Variants in PHTF2 observed in about 807,000 individuals in gnomAD.
The protein encoded by PHTF2 is protein PHTF2.
PHTF2 carries 60 observed loss-of-function variants against 101.2 expected under a neutral mutation model. That is an observed-to-expected ratio of 0.59 (90% CI 0.48 to 0.73). PHTF2 has a LOEUF of 0.73. Ranked by LOEUF, PHTF2 falls within the 30% of genes least tolerant of loss-of-function variation. The pLI, the probability that PHTF2 is intolerant of heterozygous loss-of-function variation, is 0.00. For missense variants in PHTF2, 747 were observed against 908.7 expected, an observed-to-expected ratio of 0.82 and a Z score of 2.29; for synonymous variants, 311 against 307.3, an observed-to-expected ratio of 1.01 and a Z score of -0.13.
At chr7:77,840,034 G>A in intron 1 of PHTF2, 187 bp from the exon 2 acceptor site, 1 of 384,206 alleles carries the variant, frequency 2.6e-6, no homozygotes, top group Non-Finnish European at 4.7e-6. Flanking sequence ...TTCTATTATT[G>A]TGGCAACTGA....
At chr7:77,847,642 A>G (rs762482415) in intron 2 of PHTF2, among the ~76,000 whole-genome samples, 1 of 152,244 alleles carries the variant, frequency 6.6e-6, no homozygotes, top group African/African-American at 2.4e-5. Context: ...TGATACAAAC[A>G]TATAATCACA....
At position 77,820,533 on chromosome 7, in the gene PHTF2, T is replaced by C. The variant is rs892839420; in HGVS notation, c.-35-19688T>C. 3.3e-5 allele frequency among the ~76,000 whole-genome samples: 5 copies of C among 151,624 alleles called. No homozygotes were observed. In the South Asian group the frequency reaches 1.0e-3, roughly 32 times the overall value. On this transcript the variant is annotated intron_variant, in intron 1 of 19. Coordinates refer to ENST00000416283, the Ensembl canonical transcript of PHTF2. ...TTCCCAGCTAATGTGTGTGTGTGCG[T>C]GTGTGTGTGTTTGTGTATACGTATA...
At chr7:77,942,810 AAATT>A in intron 16 of PHTF2, 24 bp downstream of exon 15, 1 of 1,080,450 alleles carries the variant, frequency 9.3e-7, no homozygotes, top group East Asian at 2.5e-5. Flanking sequence ...CTCCATGTAG[AAATT>A]AACCAGATAT....
At chr7:77,890,239 T>C (rs1302324839) in intron 3 of PHTF2, among the ~76,000 whole-genome samples, 1 of 152,194 alleles carries the variant, frequency 6.6e-6, no homozygotes, top group Non-Finnish European at 1.5e-5. Flanking sequence ...TTTTACCTAC[T>C]GCTTCACTGT....
At chr7:77,887,773 G>A (rs1799999707) in intron 3 of PHTF2, among the ~76,000 whole-genome samples, 1 of 152,164 alleles carries the variant, frequency 6.6e-6, no homozygotes, top group Non-Finnish European at 1.5e-5. Flanking sequence ...GCTGACTGTA[G>A]GTCAGCTCTG....
intron 3 of PHTF2, among the ~76,000 whole-genome samples, chr7:77,859,880 C>T (rs540724908): frequency 6.6e-6 from 1 of 152,246 alleles, no homozygotes; most frequent in Admixed American, 6.5e-5. Context: ...TGGTACCTAG[C>T]TCCTCTTATA....
At chr7:77,870,888 TC>T (rs1304270824) in intron 3 of PHTF2, among the ~76,000 whole-genome samples, 2 of 152,098 alleles carry the variant, frequency 1.3e-5, no homozygotes, top group African/African-American at 2.4e-5. Context: ...TGATGTGAAG[TC>T]AATAAATCTT....
In PHTF2 at chr7:77,893,548, GTTA is replaced by G. The variant is rs1800624739; in HGVS notation, c.148-58_148-56del. 4.2e-6 allele frequency: 3 copies of G among 710,814 alleles called. No homozygotes were observed. The Admixed American group carries it at 7.3e-5, about 17-fold the overall frequency. The allele number at this position is 710,814 out of a possible 1,614,324, so 44.0% of individuals were successfully genotyped here. ...CTGAGTTGCTTGTATTTCAAGCAGAGTTATACCTATTTGATGGGTACCAGCAAT... is the reference window on the plus strand; with the variant it reads ...CTGAGTTGCTTGTATTTCAAGCAGAGTACCTATTTGATGGGTACCAGCAAT... On this transcript the variant is annotated intron_variant, in intron 3 of 19. Coordinates refer to ENST00000416283, the Ensembl canonical transcript of PHTF2.
At chr7:77,886,050 A>C (rs1481927279) in intron 3 of PHTF2, among the ~76,000 whole-genome samples, 1 of 152,194 alleles carries the variant, frequency 6.6e-6, no homozygotes, top group Admixed American at 6.5e-5. Context: ...ATATGTTTGC[A>C]AATCTGGGTC....
chr7:77,849,418 G>T (rs981800353), intron 2 of PHTF2, among the ~76,000 whole-genome samples: 1 of 152,076 alleles, frequency 6.6e-6, no homozygotes, highest in Non-Finnish European at 1.5e-5. Context: ...GATTACAGGC[G>T]TGAGCCACTG....
At chr7:77,892,978 T>C (rs1458133526) in intron 3 of PHTF2, among the ~76,000 whole-genome samples, 2 of 152,232 alleles carry the variant, frequency 1.3e-5, no homozygotes, top group African/African-American at 2.4e-5. Context: ...AAAGAATTTG[T>C]CACTTGGAAG....
chr7:77,917,858 G>A (rs1803078665), intron 9 of PHTF2, among the ~76,000 whole-genome samples: 1 of 152,156 alleles, frequency 6.6e-6, no homozygotes, highest in Non-Finnish European at 1.5e-5. Context: ...TTTTGCCACT[G>A]CAGTTTAGTT....
At chr7:77,910,538 A>G in intron 9 of PHTF2, 129 bp downstream of exon 8, 8 of 660,356 alleles carry the variant, frequency 1.2e-5, no homozygotes, top group South Asian at 2.3e-5. Context: ...GTTTTGATAA[A>G]TTATAATAGT....
intron 7 of PHTF2, among the ~76,000 whole-genome samples, chr7:77,904,332 T>C (rs1180810987): frequency 6.6e-6 from 1 of 152,206 alleles, no homozygotes; most frequent in Non-Finnish European, 1.5e-5. Context: ...TTCTCTCAAA[T>C]TTAGATTAGA....
intron 11 of PHTF2, among the ~76,000 whole-genome samples, chr7:77,925,591 C>G (rs1039703543): frequency 1.4e-5 from 2 of 142,398 alleles, no homozygotes; most frequent in African/African-American, 5.1e-5. Context: ...CTCACTGCAA[C>G]CTCCGCCTCC....
chr7:77,814,765 C>T lies in PHTF2; in HGVS notation c.-36+15794C>T, dbSNP rs185755627. On this transcript the variant is annotated intron_variant, in intron 1 of 19. Transcript: ENST00000416283. ...GACCTCGTGAGCCACCGCGCCCGGT[C>T]TGGGGGGGCATTTTTAAACAACATC... 3.2e-3 allele frequency among the ~76,000 whole-genome samples: 493 copies of T among 152,134 alleles called. 3 individuals carry two copies. The highest frequency in any genetic ancestry group is 0.011 in the African/African-American group (464 of 41,522).
chr7:77,910,425 A>C lies in PHTF2; in HGVS notation c.776+16A>C, dbSNP rs1318800453. 3.1e-6 allele frequency: 5 copies of C among 1,599,018 alleles called. No homozygotes were observed. The highest frequency in any genetic ancestry group is 3.4e-6 in the Non-Finnish European group (4 of 1,168,432). On this transcript the variant is annotated intron_variant, in intron 9 of 19. Coordinates refer to ENST00000416283, the Ensembl canonical transcript of PHTF2. ...TTTTATCAGGGTTTGTATTTATTTA[A>C]GGTTTTATATGGCATAGAGATGGCA...
chr7:77,944,791 G>C (rs1367958694), intron 16 of PHTF2, among the ~76,000 whole-genome samples: 1 of 152,166 alleles, frequency 6.6e-6, no homozygotes, highest in Non-Finnish European at 1.5e-5. Context: ...GAACAGATAA[G>C]TTTGAAAAAG....
intron 1 of PHTF2, among the ~76,000 whole-genome samples, chr7:77,828,726 G>T (rs1330706628): frequency 6.6e-6 from 1 of 152,058 alleles, no homozygotes; most frequent in Non-Finnish European, 1.5e-5. Context: ...AAATTAGCTG[G>T]GCGTGGTGGT....
Sources: gnomAD v4.1 joint callset for allele counts (sites outside exome capture counted in the v4.1 genomes callset) on GRCh38, gnomAD v4.1.1 for gene constraint, MANE v1.5 for transcripts, NCBI Gene and HGNC (gene_info 2026-07-23, HGNC 2026-07-21) for gene names.